The following GNAT2 variants were observed in gnomAD, a reference collection of about 807,000 sequenced individuals.
GNAT2 encodes the protein G protein subunit alpha transducin 2.
In GNAT2, 32 loss-of-function variants were observed where a neutral mutation model predicts 40.9. The observed-to-expected ratio is 0.78, with a 90% CI of 0.59 to 1.05. The LOEUF is 1.05. Ranked by LOEUF, GNAT2 falls within the 50% of genes least tolerant of loss-of-function variation. The pLI, the probability that GNAT2 is intolerant of heterozygous loss-of-function variation, is 0.00. For synonymous variants in GNAT2, 141 were observed against 157.2 expected, an observed-to-expected ratio of 0.90 and a Z score of 0.77; for missense variants, 355 against 431.5, an observed-to-expected ratio of 0.82 and a Z score of 1.57.
Position 109,612,672 on chromosome 1 carries a change from G to T in GNAT2, c.118+81C>A, listed in dbSNP as rs928532106. The T allele has an allele frequency of 1.4e-5, 12 of 853,326 alleles. No individual in the cohort carries two copies. In the African/African-American group the frequency reaches 1.7e-4, roughly 12 times the overall value. The allele number at this position is 853,326 out of a possible 1,614,324, so 52.9% of individuals were successfully genotyped here. ...TGACCTGCCACCCTTCCTTCCCATGGGGTGAGGTAGAACCCACCAACCCTT... is the reference window on the plus strand; with the variant it reads ...TGACCTGCCACCCTTCCTTCCCATGTGGTGAGGTAGAACCCACCAACCCTT... On this transcript the variant is annotated intron_variant, in intron 2 of 8. Transcript: ENST00000679935.
intron 6 of GNAT2, 98 bp from the exon 7 acceptor site, chr1:109,606,197 AG>A (rs780043566): frequency 2.8e-5 from 44 of 1,571,382 alleles, no homozygotes; most frequent in Non-Finnish European, 3.7e-5. Context: ...AAGGGGGAGA[AG>A]CAGAACAGTA....
At chr1:109,615,620 A>AAAAAAGAAAAG (rs1553227375) in intron 1 of GNAT2, 3,137 of 126,624 alleles carry the variant, frequency 0.025, 64 homozygotes, top group African/African-American at 0.035. Flanking sequence ...AAAAAAAAAA[A>AAAAAAGAAAAG]AAAAGAAAAG....
chr1:109,608,140 T>C (rs956506415), intron 5 of GNAT2: 1 of 201,882 alleles, frequency 5.0e-6, no homozygotes, highest in South Asian at 8.9e-5. Context: ...CATCGTGACA[T>C]AAGATGCTCT....
rs1043276813 is a variant in GNAT2, at chr1:109,608,763, A to C, written c.329T>G (p.Leu110Arg). Residue 110 changes from leucine to arginine, a missense_variant, in exon 5 of 9, where the codon CTG becomes CGG. Leu to Arg is a moderately radical substitution (Grantham distance 102). Coordinates refer to ENST00000679935, the MANE Select transcript of GNAT2 (RefSeq NM_001377295.2). The part of the protein sequence containing the change: ...CADDGRQLNN[L>R]ADSIEEGTMP... ...GGTTCCCTCCTCAATGGAGTCAGCC[A>C]GGTTGTTGAGCTGTCGCCCGTCATC... 7 of 1,614,074 alleles carry C rather than the reference A, an allele frequency of 4.3e-6. No homozygotes were observed. The highest frequency in any genetic ancestry group is 3.3e-4 in the Middle Eastern group (2 of 6,062).
intron 5 of GNAT2, chr1:109,606,661 C>A: frequency 3.9e-6 from 2 of 508,556 alleles, no homozygotes; most frequent in South Asian, 2.0e-5. Flanking sequence ...GGAGTTCCAG[C>A]GCATTTAAAT....
At chr1:109,608,416 T>C (rs1649681662) in intron 5 of GNAT2, 4 of 619,464 alleles carry the variant, frequency 6.5e-6, no homozygotes, top group South Asian at 3.6e-5. Flanking sequence ...TGTAAAGCAA[T>C]AGAAAGTCAT....
chr1:109,615,640 G>GAAAAGAA (rs1343039531), intron 1 of GNAT2: 1 of 153,550 alleles, frequency 6.5e-6, no homozygotes, highest in Non-Finnish European at 1.4e-5. Context: ...GAAAAGAAAA[G>GAAAAGAA]AAAAAGCCCA....
chr1:109,604,011 C>A lies in GNAT2; in HGVS notation c.814G>T (p.Asp272Tyr). 6.2e-7 allele frequency: 1 copy of A among 1,610,130 alleles called. No individual in the cohort carries two copies. Among genetic ancestry groups the A allele is most frequent in the Non-Finnish European group, 8.5e-7 (1 of 1,176,440 alleles). ...TTCTTGATTTTTTCCTCAAAGAGGTCCTTCTTGTTGAGAAAGAGGACAATG... is the reference window on the plus strand; with the variant it reads ...TTCTTGATTTTTTCCTCAAAGAGGTACTTCTTGTTGAGAAAGAGGACAATG... ...TSIVLFLNKK[D>Y]LFEEKIKKVH... Residue 272 changes from aspartate (D) to tyrosine (Y), a missense_variant, in exon 8 of 9, where the codon GAC becomes TAC. Transcript: ENST00000679935.
rs1570562624 is a variant in GNAT2, at chr1:109,606,375, G to T, written c.523C>A (p.Leu175Ile). The T allele has an allele frequency of 6.2e-7, 1 of 1,610,866 alleles. No individual in the cohort carries two copies. Among genetic ancestry groups the T allele is most frequent in the Non-Finnish European group, 8.5e-7 (1 of 1,177,024 alleles). Residue 175 changes from leucine to isoleucine, a missense_variant, in exon 6 of 9, where the codon CTC becomes ATC. Leu to Ile is a conservative substitution (Grantham distance 5). Coordinates refer to ENST00000679935, the MANE Select transcript of GNAT2 (RefSeq NM_001377295.2). ...PEYLPSEQDV[L>I]RSRVKTTGII... ...CCCGTGGTTTTGACTCTGGATCGGA[G>T]CACATCTTGCTCACTAGGGAGGTAC... is the stretch of plus-strand genomic sequence containing the variant.
At chr1:109,605,818 T>C (rs1052001448) in intron 7 of GNAT2, 152 bp downstream of exon 7, 2 of 728,926 alleles carry the variant, frequency 2.7e-6, no homozygotes, top group Admixed American at 2.0e-5. Context: ...AGTTGTTTTT[T>C]AGAATTATTT....
At chr1:109,619,372 T>G (rs1650058917) in intron 1 of GNAT2, 111 bp downstream of exon 1, 1 of 152,226 alleles carries the variant, frequency 6.6e-6, no homozygotes, top group Non-Finnish European at 1.5e-5. Context: ...AGTCAGGAAG[T>G]AGGTGAAATC....
intron 1 of GNAT2, chr1:109,615,455 AC>A (rs2101132963): frequency 6.6e-6 from 1 of 152,296 alleles, no homozygotes; most frequent in Admixed American, 6.6e-5. Context: ...ACATGGTGAA[AC>A]CCTGTCTCTA....
rs192176115 is a variant in GNAT2 at position 109,610,097 on chromosome 1, C to T, written c.246G>A (p.Leu82=). 1.0e-4 allele frequency: 163 copies of T among 1,613,892 alleles called. 3 individuals carry two copies. In the East Asian group the frequency reaches 3.1e-3, roughly 31 times the overall value. ...GTGTGGTCATGGCCCGGATGATAGCCAGGATGGACTGCAGCACATTTCCAT... is the reference window on the plus strand; with the variant it reads ...GTGTGGTCATGGCCCGGATGATAGCTAGGATGGACTGCAGCACATTTCCAT... ...IIYGNVLQSI[L]AIIRAMTTLG... The change falls in exon 4 of 9, where the codon CTG becomes CTA. Residue 82 remains leucine, a synonymous_variant. Coordinates refer to ENST00000679935, the MANE Select transcript of GNAT2 (RefSeq NM_001377295.2).
intron 8 of GNAT2, 160 bp from the exon 9 acceptor site, chr1:109,603,704 T>C: frequency 1.5e-6 from 1 of 684,308 alleles, no homozygotes. Context: ...CCAGTGTTTC[T>C]CACTTTAGTT....
intron 1 of GNAT2, chr1:109,614,387 A>G (rs1649892009): frequency 6.6e-6 from 1 of 152,212 alleles, no homozygotes; most frequent in Non-Finnish European, 1.5e-5. Flanking sequence ...AAAATAGTGT[A>G]TGTTTTTAAA....
At chr1:109,613,186 A>C in intron 1 of GNAT2, 2 of 371,726 alleles carry the variant, frequency 5.4e-6, no homozygotes, top group Non-Finnish European at 1.0e-5. Context: ...AAATGTTTCT[A>C]TAACTAGGGA....
At chr1:109,605,720 C>A in intron 7 of GNAT2, 1 of 460,168 alleles carries the variant, frequency 2.2e-6, no homozygotes, top group East Asian at 4.6e-5. Flanking sequence ...TTGTGATGTC[C>A]AAGTGATACT....
intron 5 of GNAT2, chr1:109,606,641 A>G: frequency 1.8e-6 from 1 of 548,026 alleles, no homozygotes; most frequent in Admixed American, 3.0e-5. Context: ...GGACAAGCCC[A>G]TTTGAGGCTG....
intron 2 of GNAT2, 77 bp from the exon 3 acceptor site, chr1:109,610,584 A>G: frequency 8.3e-7 from 1 of 1,208,682 alleles, no homozygotes; most frequent in Non-Finnish European, 1.2e-6. Flanking sequence ...GGGAGAAGTC[A>G]GAGCCACTGC....
Sources: gnomAD v4.1 joint callset for allele counts on GRCh38, gnomAD v4.1.1 for gene constraint, MANE v1.5 for transcripts, NCBI Gene and HGNC (gene_info 2026-07-23, HGNC 2026-07-21) for gene names.